The following MACROD1 variants were observed in gnomAD, a reference collection of about 807,000 sequenced individuals.
MACROD1 encodes mono-ADP ribosylhydrolase 1, also known as ADP-ribose glycohydrolase MACROD1.
Under a neutral mutation model 41.4 loss-of-function variants are expected in MACROD1, and 31 were observed. That is an observed-to-expected ratio of 0.75 (90% CI 0.56 to 1.01). The LOEUF is 1.01. Among genes scored for constraint, MACROD1 ranks in the 50% least tolerant of loss-of-function variants. The probability of loss-of-function intolerance (pLI) is 0.00; values close to 1 mark genes in which losing one functional copy is unlikely to be tolerated. For missense variants in MACROD1, 473 were observed against 460.0 expected (o/e 1.03, Z -0.26); for synonymous variants, 252 against 203.4 (o/e 1.24, Z -2.03).
intron 3 of MACROD1, among the ~76,000 whole-genome samples, chr11:64,035,514 G>A (rs1198635761): frequency 6.6e-6 from 1 of 151,888 alleles, no homozygotes; most frequent in African/African-American, 2.4e-5. Context: ...CTCCACGGTG[G>A]AGGTTGGCTT....
At chr11:64,145,264 A>G (rs12419038) in intron 3 of MACROD1, among the ~76,000 whole-genome samples, 19,444 of 152,014 alleles carry the variant, frequency 0.13, 1,517 homozygotes, top group South Asian at 0.19. Context: ...CCCGCCGCAC[A>G]CCTGGGCCCC....
intron 3 of MACROD1, among the ~76,000 whole-genome samples, chr11:64,043,436 A>G (rs1010836983): frequency 6.6e-6 from 1 of 151,982 alleles, no homozygotes; most frequent in Non-Finnish European, 1.5e-5. Context: ...GGAGCAGTGG[A>G]CTCTAAACGC....
At chr11:64,103,572 G>A (rs552999304) in intron 3 of MACROD1, 2 of 140,340 alleles carry the variant, frequency 1.4e-5, no homozygotes, top group Non-Finnish European at 3.0e-5. Flanking sequence ...TCTGCCAAGT[G>A]ACTTAAAGGA....
Position 64,165,691 on chromosome 11 carries a change from A to T in MACROD1, c.298+6T>A. On this transcript the variant is annotated splice_donor_region_variant and intron_variant, in intron 1 of 10. Coordinates refer to ENST00000255681, the MANE Select transcript of MACROD1 (RefSeq NM_014067.4). ...CTCCCTCGCGCCCCCTCGTGCTTAC[A>T]CTTACATTTCGCCTCCTTCCAGTCG... 1 of 1,438,140 alleles carries T rather than the reference A, an allele frequency of 7.0e-7. No individual in the cohort carries two copies. The highest frequency in any genetic ancestry group is 9.2e-7 in the Non-Finnish European group (1 of 1,092,676). The allele number at this position is 1,438,140 out of a possible 1,614,324, so 89.1% of individuals were successfully genotyped here. A position where few individuals can be genotyped will look rare whatever the true frequency, so the allele number is the denominator to read the frequency against.
chr11:64,135,067 C>A lies in MACROD1; in HGVS notation c.517+16172G>T, dbSNP rs539004767. Among the ~76,000 whole-genome samples, 3 of 152,360 alleles carry A rather than the reference C, an allele frequency of 2.0e-5. No homozygotes were observed. In the South Asian group the frequency reaches 6.2e-4, roughly 32 times the overall value. On this transcript the variant is annotated intron_variant, in intron 3 of 10. Transcript: ENST00000255681. ...CCTGCAGGTGAGGGCCCCTGCCAGG[C>A]CTGCATCCTGACTGGTAAAACCCAG...
intron 3 of MACROD1, among the ~76,000 whole-genome samples, chr11:64,115,856 G>A (rs1362773567): frequency 6.6e-6 from 1 of 152,198 alleles, no homozygotes; most frequent in African/African-American, 2.4e-5. Flanking sequence ...AAGTGGCTTT[G>A]TGTGAAGTCT....
intron 3 of MACROD1, chr11:64,103,740 G>C (rs1944711002): frequency 1.3e-5 from 2 of 152,314 alleles, no homozygotes; most frequent in Admixed American, 1.3e-4. Flanking sequence ...CTGGGTGCCA[G>C]GCCACAGGGC....
At chr11:64,095,117 A>G (rs974250871) in intron 3 of MACROD1, among the ~76,000 whole-genome samples, 11 of 152,246 alleles carry the variant, frequency 7.2e-5, no homozygotes, top group African/African-American at 2.7e-4. Context: ...CCTCAGAGGA[A>G]AGCCAGGCGT....
intron 3 of MACROD1, among the ~76,000 whole-genome samples, chr11:64,099,691 G>GAGGGATGGATGC (rs2134552439): frequency 6.6e-6 from 1 of 152,038 alleles, no homozygotes; most frequent in South Asian, 2.1e-4. Context: ...GGGATGGATG[G>GAGGGATGGATGC]ATGAAGAGTT....
chr11:64,091,406 G>T (rs917666715), intron 3 of MACROD1, among the ~76,000 whole-genome samples: 1 of 151,892 alleles, frequency 6.6e-6, no homozygotes, highest in African/African-American at 2.4e-5. Flanking sequence ...GAGGTTGGGG[G>T]GCGGGTGGCA....
chr11:64,097,304 T>C (rs1036573054), intron 3 of MACROD1, among the ~76,000 whole-genome samples: 41 of 152,302 alleles, frequency 2.7e-4, no homozygotes, highest in African/African-American at 8.9e-4. Flanking sequence ...CTCTGCCAAC[T>C]CAGCACCAAG....
At chr11:64,155,185 G>A (rs773375554) in intron 1 of MACROD1, among the ~76,000 whole-genome samples, 1 of 152,206 alleles carries the variant, frequency 6.6e-6, no homozygotes, top group East Asian at 1.9e-4. Flanking sequence ...AGTTTGCTAA[G>A]TACAGAGTCT....
rs1377619933 is a variant in MACROD1 at position 64,120,508 on chromosome 11, GA to G, written c.517+30730del. 6.6e-6 allele frequency among the ~76,000 whole-genome samples: 1 copy of G among 152,142 alleles called. No homozygotes were observed. The highest frequency in any genetic ancestry group is 2.4e-5 in the African/African-American group (1 of 41,436). ...TTGAGACCAGCCTGGCCAACATGGTGAAAGTCCGTCTCTCTAAAAATGCAAA... is the reference window on the plus strand; with the variant it reads ...TTGAGACCAGCCTGGCCAACATGGTGAAGTCCGTCTCTCTAAAAATGCAAA... On this transcript the variant is annotated intron_variant, in intron 3 of 10. Coordinates refer to ENST00000255681, the MANE Select transcript of MACROD1 (RefSeq NM_014067.4). This position sits in a 1 kb window ranked among gnomAD's most constrained non-coding sequence, Gnocchi z 4.5.
At chr11:64,084,173 C>T (rs7115143) in intron 3 of MACROD1, among the ~76,000 whole-genome samples, 33,343 of 152,108 alleles carry the variant, frequency 0.22, 4,508 homozygotes, top group East Asian at 0.48. Flanking sequence ...TTCTGCAGTC[C>T]TGGAGGATGC....
chr11:64,143,801 C>CACACACACACACACACACA (rs762084927), intron 3 of MACROD1, among the ~76,000 whole-genome samples: 1 of 144,854 alleles, frequency 6.9e-6, no homozygotes, highest in African/African-American at 2.5e-5. Flanking sequence ...CACACACACA[C>CACACACACACACACACACA]AATTTCCTGG....
intron 3 of MACROD1, chr11:64,116,953 T>A: frequency 6.2e-7 from 1 of 1,611,760 alleles, no homozygotes; most frequent in Non-Finnish European, 8.5e-7. Context: ...CGCCTGGTGC[T>A]GGACGGTAAC....
Position 64,148,833 on chromosome 11 carries a change from C to G in MACROD1, c.517+2406G>C, listed in dbSNP as rs1335813129. On this transcript the variant is annotated intron_variant, in intron 3 of 10. Coordinates refer to ENST00000255681, the MANE Select transcript of MACROD1 (RefSeq NM_014067.4). ...AATCTCTGCTGCCCCCTGGTGGGCA[C>G]AGGGGCTGGGGTGGGAGCCAAGGCC... The G allele has an allele frequency of 5.1e-6, 5 of 985,516 alleles. No individual in the cohort carries two copies. The South Asian group carries it at 1.4e-4, about 28-fold the overall frequency. The allele number at this position is 985,516 out of a possible 1,614,324, so 61.0% of individuals were successfully genotyped here.
intron 3 of MACROD1, among the ~76,000 whole-genome samples, chr11:64,045,372 GC>G (rs1030438309): frequency 2.7e-5 from 4 of 148,226 alleles, no homozygotes; most frequent in African/African-American, 9.7e-5. Context: ...GCTCTGCTCC[GC>G]CGGGACCTGG....
intron 4 of MACROD1, among the ~76,000 whole-genome samples, chr11:64,013,246 GAA>G (rs1720608568): frequency 6.6e-6 from 1 of 152,108 alleles, no homozygotes; most frequent in Non-Finnish European, 1.5e-5. Context: ...CAGGTGCTCA[GAA>G]AAGTTAAAAC....
Sources: allele counts gnomAD v4.1 joint callset (sites outside exome capture counted in the v4.1 genomes callset), GRCh38; gene constraint gnomAD v4.1.1; non-coding constraint Gnocchi (gnomAD v3.1); transcripts MANE v1.5; gene names NCBI Gene and HGNC (gene_info 2026-07-23, HGNC 2026-07-21).